THNSL2: variants seen among roughly 807,000 people sequenced by gnomAD.
THNSL2 encodes the protein threonine synthase-like 2.
Under a neutral mutation model 40.0 loss-of-function variants are expected in THNSL2, and 34 were observed. The observed-to-expected ratio is 0.85, with a 90% CI of 0.65 to 1.13. THNSL2 has a LOEUF of 1.13. Ranked by LOEUF, THNSL2 falls within the 50% of genes most tolerant of loss-of-function variation. THNSL2 has a pLI of 0.00. For synonymous variants in THNSL2, 241 were observed against 247.5 expected, an observed-to-expected ratio of 0.97 and a Z score of 0.25; for missense variants, 537 against 608.8, an observed-to-expected ratio of 0.88 and a Z score of 1.24.
chr2:88,178,473 A>G (rs1369441338), intron 4 of THNSL2, among the ~76,000 whole-genome samples: 2 of 152,208 alleles, frequency 1.3e-5, no homozygotes, highest in African/African-American at 4.8e-5. Flanking sequence ...AGGATCCCAG[A>G]AGGTTGCCAT....
chr2:88,185,789 C>T, intron 8 of THNSL2, 109 bp from the exon 9 acceptor site: 2 of 1,536,702 alleles, frequency 1.3e-6, no homozygotes, highest in Non-Finnish European at 1.8e-6. Context: ...TCCTCCATAC[C>T]CCCCCATCCC....
chr2:88,184,419 T>C (rs1373520708), intron 7 of THNSL2, among the ~76,000 whole-genome samples: 2 of 152,084 alleles, frequency 1.3e-5, no homozygotes, highest in African/African-American at 4.8e-5. Context: ...ACAAGTAAAA[T>C]ACATTCATTG....
At chr2:88,179,636 A>G (rs1184223205) in intron 5 of THNSL2, among the ~76,000 whole-genome samples, 1 of 152,350 alleles carries the variant, frequency 6.6e-6, no homozygotes, top group African/African-American at 2.4e-5. Flanking sequence ...TTGTAAGGGC[A>G]AAGTGCTGTA....
chr2:88,184,918 A>C (rs1482871038), intron 7 of THNSL2, among the ~76,000 whole-genome samples: 1 of 152,196 alleles, frequency 6.6e-6, no homozygotes, highest in Non-Finnish European at 1.5e-5. Context: ...AGACAAGGGA[A>C]TCTTCCTCTG....
rs112721042 is a variant in THNSL2 at position 88,178,775 on chromosome 2, C to T, written c.572-8C>T. ...CTGACAGCTGCCCTCTTCTCTCCCC[C>T]CTGGCAGTGGAGGGAAACAGCGATG... On this transcript the variant is annotated splice_polypyrimidine_tract_variant and splice_region_variant and intron_variant, in intron 4 of 8. Coordinates refer to ENST00000674334, the MANE Select transcript of THNSL2 (RefSeq NM_018271.5). 57 of 1,613,948 alleles carry T rather than the reference C, an allele frequency of 3.5e-5. No homozygotes were observed. The highest frequency in any genetic ancestry group is 3.9e-5 in the Non-Finnish European group (46 of 1,179,966).
At chr2:88,177,262 G>A (rs1181939609) in intron 4 of THNSL2, 1 of 152,148 alleles carries the variant, frequency 6.6e-6, no homozygotes, top group Non-Finnish European at 1.5e-5. Context: ...TTCCTTTCTA[G>A]AGCTTTCTGG....
intron 8 of THNSL2, 82 bp from the exon 9 acceptor site, chr2:88,185,816 C>G (rs1678227495): frequency 1.3e-6 from 2 of 1,540,392 alleles, no homozygotes; most frequent in South Asian, 2.4e-5. Flanking sequence ...TCCTCTGTTT[C>G]TTATTCCTCC....
rs1329235419 is a variant in THNSL2 at position 88,175,247 on chromosome 2, A to G, written c.419-2A>G. 2 of 1,613,644 alleles carry G rather than the reference A, an allele frequency of 1.2e-6. No individual in the cohort carries two copies. Among genetic ancestry groups the G allele is most frequent in the South Asian group, 1.1e-5 (1 of 90,990 alleles). On this transcript the variant is annotated splice_acceptor_variant, in intron 3 of 8. Transcript: ENST00000674334. LOFTEE classifies it high-confidence loss of function. ...GGAGAGTTCTCCTTTCTTCCCATCCAGGAACATCTGGGGACACAGGAAGTG... is the reference window on the plus strand; with the variant it reads ...GGAGAGTTCTCCTTTCTTCCCATCCGGGAACATCTGGGGACACAGGAAGTG...
At chr2:88,177,929 G>A (rs1677113099) in intron 4 of THNSL2, among the ~76,000 whole-genome samples, 1 of 152,160 alleles carries the variant, frequency 6.6e-6, no homozygotes, top group Admixed American at 6.5e-5. Flanking sequence ...GTACACACAT[G>A]GATCTAGAGT....
chr2:88,179,166 T>A (rs577103697), intron 5 of THNSL2, among the ~76,000 whole-genome samples, 153 bp downstream of exon 5: 2 of 152,298 alleles, frequency 1.3e-5, no homozygotes, highest in Admixed American at 6.5e-5. Flanking sequence ...CCCAGGAGAT[T>A]TCCCCCCTCA....
rs1456126889 is a variant in THNSL2, at chr2:88,175,232, C to T, written c.419-17C>T. ...CTTTGTTCTAAAGGGGGAGAGTTCT[C>T]CTTTCTTCCCATCCAGGAACATCTG... On this transcript the variant is annotated splice_polypyrimidine_tract_variant and intron_variant, in intron 3 of 8. Transcript: ENST00000674334. 1.2e-6 allele frequency: 2 copies of T among 1,612,036 alleles called. No homozygotes were observed. The highest frequency in any genetic ancestry group is 1.7e-5 in the Admixed American group (1 of 59,890).
At chr2:88,182,118 G>T (rs1677759035) in intron 5 of THNSL2, among the ~76,000 whole-genome samples, 1 of 152,074 alleles carries the variant, frequency 6.6e-6, no homozygotes, top group African/African-American at 2.4e-5. Context: ...CTTCTTTTGG[G>T]TACATAACTA....
intron 7 of THNSL2, 135 bp from the exon 8 acceptor site, chr2:88,185,193 A>G: frequency 8.0e-7 from 1 of 1,248,318 alleles, no homozygotes; most frequent in Non-Finnish European, 1.1e-6. Context: ...ACTGTGAGCC[A>G]CATCTGAGCC....
At chr2:88,185,603 G>A in intron 8 of THNSL2, 124 bp downstream of exon 8, 1 of 1,551,618 alleles carries the variant, frequency 6.4e-7, no homozygotes. Flanking sequence ...GATGGGTGCT[G>A]TGTGGAACTG....
At chr2:88,179,137 G>A (rs1210920522) in intron 5 of THNSL2, 124 bp downstream of exon 5, 3 of 996,624 alleles carry the variant, frequency 3.0e-6, no homozygotes, top group African/African-American at 3.2e-5. Flanking sequence ...TGAAGGTGAT[G>A]GGAAACCCCA....
intron 1 of THNSL2, chr2:88,171,265 C>T (rs1676340558): frequency 2.2e-6 from 1 of 456,376 alleles, no homozygotes; most frequent in Non-Finnish European, 4.4e-6. Context: ...CCCTGGAAGG[C>T]ATTGGACAGA....
chr2:88,171,708 G>C, intron 1 of THNSL2: 1 of 174,504 alleles, frequency 5.7e-6, no homozygotes, highest in Non-Finnish European at 1.2e-5. Context: ...TGCCTGCTTT[G>C]CTTATCCACT....
intron 7 of THNSL2, among the ~76,000 whole-genome samples, chr2:88,184,834 G>A (rs575386871): frequency 2.2e-4 from 34 of 152,172 alleles, no homozygotes; most frequent in Admixed American, 2.1e-3. Context: ...TATATGCAGG[G>A]TGTTTGGTGT....
Position 88,186,328 on chromosome 2 carries a change from T to A in THNSL2, c.*205T>A. On this transcript the variant is annotated 3_prime_UTR_variant, in exon 9 of 9. Transcript: ENST00000674334. ...GGCTGAGTGAGGGGCTGTGAACAGT[T>A]GCCGGAAGCACCCCCTCCCTCCCCG... The A allele has an allele frequency of 1.7e-6, 1 of 599,714 alleles. No individual in the cohort carries two copies. Among genetic ancestry groups the A allele is most frequent in the Non-Finnish European group, 2.9e-6 (1 of 339,066 alleles). The allele number at this position is 599,714 out of a possible 1,614,324, so 37.1% of individuals were successfully genotyped here.
Sources: allele counts gnomAD v4.1 joint callset (sites outside exome capture counted in the v4.1 genomes callset), GRCh38; gene constraint gnomAD v4.1.1; transcripts MANE v1.5; gene names NCBI Gene and HGNC (gene_info 2026-07-23, HGNC 2026-07-21).